OAF: variants seen among roughly 807,000 people sequenced by gnomAD.
OAF encodes the protein out at first homolog.
In OAF, 13 loss-of-function variants were observed where a neutral mutation model predicts 22.5. The observed-to-expected ratio is 0.58, with a 90% confidence interval of 0.38 to 0.92. OAF has a LOEUF of 0.92. Ranked by LOEUF, OAF falls within the 40% of genes least tolerant of loss-of-function variation. The pLI is 0.00. For synonymous variants in OAF, 175 were observed against 170.5 expected (o/e 1.03, Z -0.21); for missense variants, 347 against 381.8 (o/e 0.91, Z 0.76).
At chr11:120,221,932 CT>C (rs1237626596) in intron 1 of OAF, among the ~76,000 whole-genome samples, 2 of 152,190 alleles carry the variant, frequency 1.3e-5, no homozygotes, top group African/African-American at 4.8e-5. Flanking sequence ...CCTGCAGTCC[CT>C]GTTGTAGGCT....
intron 3 of OAF, 36 bp from the exon 4 acceptor site, chr11:120,228,832 C>T (rs530676320): frequency 4.0e-6 from 3 of 755,066 alleles, no homozygotes; most frequent in Non-Finnish European, 2.2e-6. Context: ...CCCTCCCTCC[C>T]TCCCTCCCTC....
rs781359992 is a variant in OAF, at chr11:120,226,863, G to A, written c.414G>A (p.Glu138=). The A allele has an allele frequency of 2.5e-6, 4 of 1,610,716 alleles. No individual in the cohort carries two copies. In the East Asian group the frequency reaches 6.7e-5, roughly 27 times the overall value. The change falls in exon 3 of 4, where the codon GAG becomes GAA. Residue 138 remains glutamate (E), a synonymous_variant. Coordinates refer to ENST00000328965, the MANE Select transcript of OAF (RefSeq NM_178507.4). ...AGGCGGAGGAGGTTCGGGGTCTGGA[G>A]CATCTGCACATGGATGTCGCTGTCA... ...VRQAEEVRGL[E]HLHMDVAVNF...
Position 120,211,518 on chromosome 11 carries a change from G to A in OAF, c.231+8G>A. The A allele has an allele frequency of 7.0e-7, 1 of 1,436,286 alleles. No individual in the cohort carries two copies. The highest frequency in any genetic ancestry group is 9.2e-7 in the Non-Finnish European group (1 of 1,085,476). 89.0% of individuals were successfully genotyped at this position (1,436,286 alleles called of 1,614,324 possible). A position where few individuals can be genotyped will look rare whatever the true frequency, so the allele number is the denominator to read the frequency against. On this transcript the variant is annotated splice_region_variant and intron_variant, in intron 1 of 3. Transcript: ENST00000328965. Reference sequence around the variant, plus strand: ...ACCGCCGACTTCAAGAAGGTGAGGCGCCCTCACTCGCCGGGGTGGCACCTT... The same window carrying A: ...ACCGCCGACTTCAAGAAGGTGAGGCACCCTCACTCGCCGGGGTGGCACCTT...
At chr11:120,215,921 C>G (rs1187182818) in intron 1 of OAF, among the ~76,000 whole-genome samples, 2 of 152,008 alleles carry the variant, frequency 1.3e-5, no homozygotes, top group Non-Finnish European at 2.9e-5. Context: ...GGTCCCTTTC[C>G]CCTCCCAGCA....
In OAF at chr11:120,229,658, G is replaced by C. The variant is rs1591361949; in HGVS notation, c.*516G>C. The C allele has an allele frequency of 6.2e-6, 1 of 160,608 alleles. No individual in the cohort carries two copies. Among genetic ancestry groups the C allele is most frequent in the Non-Finnish European group, 1.4e-5 (1 of 71,752 alleles). 9.9% of individuals were successfully genotyped at this position (160,608 alleles called of 1,614,324 possible). On this transcript the variant is annotated 3_prime_UTR_variant, in exon 4 of 4. Coordinates refer to ENST00000328965, the MANE Select transcript of OAF (RefSeq NM_178507.4). ...GTTGGGGACCCACGACGCAGCCCCT[G>C]TACTGGATTACAGCATATTCTCATC...
At chr11:120,223,596 T>A (rs1335617380) in intron 1 of OAF, among the ~76,000 whole-genome samples, 1 of 152,252 alleles carries the variant, frequency 6.6e-6, no homozygotes, top group Non-Finnish European at 1.5e-5. Flanking sequence ...ATTATTAATA[T>A]AGAAGCAGGA....
rs1036253540 is a variant in OAF at position 120,221,990 on chromosome 11, C to T, written c.232-3671C>T. On this transcript the variant is annotated intron_variant, in intron 1 of 3. Coordinates refer to ENST00000328965, the MANE Select transcript of OAF (RefSeq NM_178507.4). ...TTTAGGTGTTAGGCCACATGAAGTACGTCATCCCAACAGATTCCTGGGCAA... is the reference window on the plus strand; with the variant it reads ...TTTAGGTGTTAGGCCACATGAAGTATGTCATCCCAACAGATTCCTGGGCAA... 4.6e-5 allele frequency among the ~76,000 whole-genome samples: 7 copies of T among 152,342 alleles called. No homozygotes were observed. In the South Asian group the frequency reaches 6.2e-4, roughly 14 times the overall value.
In OAF at chr11:120,213,348, A is replaced by T. The variant is rs12793354; in HGVS notation, c.231+1838A>T. 1.4e-3 allele frequency among the ~76,000 whole-genome samples: 212 copies of T among 151,980 alleles called. 6 individuals carry two copies. Among genetic ancestry groups the T allele is most frequent in the Non-Finnish European group, 3.4e-4 (23 of 67,952 alleles). On this transcript the variant is annotated intron_variant, in intron 1 of 3. Coordinates refer to ENST00000328965, the MANE Select transcript of OAF (RefSeq NM_178507.4). ...CTGCCCAGTTAGAAAATGCATCTGG[A>T]GATTGTGAGCACCTCATTTGAATCT...
At chr11:120,215,251 G>T (rs2135089854) in intron 1 of OAF, among the ~76,000 whole-genome samples, 1 of 152,334 alleles carries the variant, frequency 6.6e-6, no homozygotes, top group Middle Eastern at 3.4e-3. Context: ...CCACTCAGGA[G>T]GCTGAGGCAG....
intron 3 of OAF, 34 bp from the exon 4 acceptor site, chr11:120,228,834 C>G: frequency 2.9e-6 from 2 of 679,956 alleles, no homozygotes; most frequent in Non-Finnish European, 4.8e-6. Flanking sequence ...CTCCCTCCCT[C>G]CCTCCCTCCC....
chr11:120,212,141 C>T (rs1207676639), intron 1 of OAF, among the ~76,000 whole-genome samples: 1 of 152,034 alleles, frequency 6.6e-6, no homozygotes, highest in Non-Finnish European at 1.5e-5. Flanking sequence ...AGCTGAGGCC[C>T]CCTCCCTCTG....
intron 2 of OAF, 34 bp downstream of exon 2, chr11:120,225,829 C>T (rs1028127576): frequency 1.9e-6 from 3 of 1,576,894 alleles, no homozygotes; most frequent in Non-Finnish European, 2.6e-6. Context: ...TGGCCCAGGT[C>T]CTGACCCGCA....
At chr11:120,220,575 C>T (rs1037936762) in intron 1 of OAF, among the ~76,000 whole-genome samples, 1 of 152,140 alleles carries the variant, frequency 6.6e-6, no homozygotes, top group Non-Finnish European at 1.5e-5. Context: ...GGGATTTGTG[C>T]TCTAGAGGCA....
In OAF at chr11:120,225,857, C is replaced by T; in HGVS notation, c.366+62C>T. The T allele has an allele frequency of 4.0e-6, 6 of 1,489,192 alleles. 1 individual carries two copies. In the South Asian group the frequency reaches 7.2e-5, roughly 18 times the overall value. 92.2% of individuals were successfully genotyped at this position (1,489,192 alleles called of 1,614,324 possible). A position where few individuals can be genotyped will look rare whatever the true frequency, so the allele number is the denominator to read the frequency against. On this transcript the variant is annotated intron_variant, in intron 2 of 3. Coordinates refer to ENST00000328965, the MANE Select transcript of OAF (RefSeq NM_178507.4). ...GACCCGCAGCAGACCCGGCCCAGATCCCATCCCGCAGACCCGGCCCAGATC... is the reference window on the plus strand; with the variant it reads ...GACCCGCAGCAGACCCGGCCCAGATTCCATCCCGCAGACCCGGCCCAGATC...
In OAF at chr11:120,218,225, C is replaced by T. The variant is rs1274210136; in HGVS notation, c.231+6715C>T. On this transcript the variant is annotated intron_variant, in intron 1 of 3. Transcript: ENST00000328965. ...TGGGTGAGTGGTTGTGCTAATGCCC[C>T]AAGACAAGCAGCCTCTGTCCAGGCC... Among the ~76,000 whole-genome samples the T allele has an allele frequency of 2.0e-5, 3 of 152,064 alleles. 1 individual carries two copies. The highest frequency in any genetic ancestry group is 7.2e-5 in the African/African-American group (3 of 41,392).
Position 120,228,928 on chromosome 11 carries a change from G to C in OAF, c.608G>C (p.Arg203Pro), listed in dbSNP as rs1938397208. 2 of 1,594,858 alleles carry C rather than the reference G, an allele frequency of 1.3e-6. No homozygotes were observed. Among genetic ancestry groups the C allele is most frequent in the Admixed American group, 1.7e-5 (1 of 59,368 alleles). ...PKASEQAELP[R>P]CRQVGDHGKP... ...GCCTCAGAGCAGGCGGAGCTGCCTCGCTGCAGGCAGGTGGGGGACCACGGG... is the reference window on the plus strand; with the variant it reads ...GCCTCAGAGCAGGCGGAGCTGCCTCCCTGCAGGCAGGTGGGGGACCACGGG... Residue 203 changes from arginine to proline, a missense_variant, in exon 4 of 4, where the codon CGC becomes CCC. Transcript: ENST00000328965.
intron 1 of OAF, among the ~76,000 whole-genome samples, chr11:120,214,211 C>T (rs933671486): frequency 6.6e-6 from 1 of 152,212 alleles, no homozygotes; most frequent in Non-Finnish European, 1.5e-5. Context: ...CAGGTTCACC[C>T]TGGGCAAGCT....
chr11:120,220,421 CT>C (rs1233085241), intron 1 of OAF, among the ~76,000 whole-genome samples: 9 of 152,116 alleles, frequency 5.9e-5, no homozygotes, highest in Non-Finnish European at 1.3e-4. Context: ...TCATGTATTC[CT>C]TATCAGATGT....
chr11:120,216,198 G>A (rs899105455), intron 1 of OAF, among the ~76,000 whole-genome samples: 5 of 152,166 alleles, frequency 3.3e-5, no homozygotes, highest in African/African-American at 9.7e-5. Flanking sequence ...GTCTGTGGGT[G>A]GGGGAGCAAC....
Sources: gnomAD v4.1 joint callset for allele counts (sites outside exome capture counted in the v4.1 genomes callset) on GRCh38, gnomAD v4.1.1 for gene constraint, MANE v1.5 for transcripts, NCBI Gene and HGNC (gene_info 2026-07-23, HGNC 2026-07-21) for gene names.